The following SLC30A8 variants were observed in gnomAD, a reference collection of about 807,000 sequenced individuals.
The protein encoded by SLC30A8 is proton-coupled zinc antiporter SLC30A8.
A neutral mutation model predicts 36.9 loss-of-function variants in SLC30A8; 27 were observed. The observed-to-expected ratio is 0.73, with a 90% CI of 0.54 to 1.01. SLC30A8 has a LOEUF of 1.01. Ranked by LOEUF, SLC30A8 falls within the 50% of genes least tolerant of loss-of-function variation. The probability of loss-of-function intolerance (pLI) is 0.00; values close to 1 mark genes in which losing one functional copy is unlikely to be tolerated. For missense variants in SLC30A8, 439 were observed against 452.0 expected (o/e 0.97, Z 0.26); for synonymous variants, 164 against 172.4 (o/e 0.95, Z 0.38).
intron 1 of SLC30A8, among the ~76,000 whole-genome samples, chr8:117,021,968 T>A (rs1432832137): frequency 6.6e-6 from 1 of 150,774 alleles, no homozygotes; most frequent in East Asian, 2.0e-4. Context: ...GAGAAAAAAA[T>A]GAATCTTGAT....
At chr8:117,061,981 A>G (rs911092778) in intron 2 of SLC30A8, among the ~76,000 whole-genome samples, 1 of 152,196 alleles carries the variant, frequency 6.6e-6, no homozygotes, top group African/African-American at 2.4e-5. Flanking sequence ...GAACAGGACC[A>G]ACTTCTTTTC....
Position 116,964,223 on chromosome 8 carries a change from G to A in SLC30A8, c.-266+13104G>A, listed in dbSNP as rs568506774. Among the ~76,000 whole-genome samples, 25 of 152,288 alleles carry A rather than the reference G, an allele frequency of 1.6e-4. No homozygotes were observed. The South Asian group carries it at 2.5e-3, about 15-fold the overall frequency. The stretch of plus-strand genomic sequence containing the variant: ...AAGATATTGGAGGCATTAAAAAAGA[G>A]TACTATCCTTTTGAAGTATGAGCAC... On this transcript the variant is annotated intron_variant, in intron 1 of 10. Coordinates refer to the SLC30A8 transcript ENST00000427715.
chr8:117,052,519 T>G (rs891187944), intron 2 of SLC30A8, among the ~76,000 whole-genome samples: 2 of 152,262 alleles, frequency 1.3e-5, no homozygotes, highest in African/African-American at 4.8e-5. Flanking sequence ...TTTCTAAGAA[T>G]GCAGCCACTG....
intron 2 of SLC30A8, among the ~76,000 whole-genome samples, chr8:117,098,910 G>C (rs1411853180): frequency 6.6e-6 from 1 of 152,132 alleles, no homozygotes; most frequent in Non-Finnish European, 1.5e-5. Flanking sequence ...ATAGTTTTCT[G>C]TTACAATGCT....
At chr8:117,161,635 C>T in intron 4 of SLC30A8, 103 bp from the exon 5 acceptor site, 2 of 1,048,606 alleles carry the variant, frequency 1.9e-6, no homozygotes, top group Non-Finnish European at 2.8e-6. Context: ...TTTCAACTAT[C>T]CATCATTTTG....
chr8:117,143,782 T>C (rs1821774912), intron 1 of SLC30A8, among the ~76,000 whole-genome samples: 1 of 151,962 alleles, frequency 6.6e-6, no homozygotes, highest in African/African-American at 2.4e-5. Flanking sequence ...CAAGGAGCAG[T>C]CTCAGCTCAG....
intron 1 of SLC30A8, among the ~76,000 whole-genome samples, chr8:116,973,979 T>C (rs1445298554): frequency 1.3e-5 from 2 of 152,212 alleles, no homozygotes; most frequent in Non-Finnish European, 2.9e-5. Flanking sequence ...GAAAACTGGC[T>C]AGCCATATGT....
chr8:117,127,643 C>G (rs1172479495), intron 2 of SLC30A8, among the ~76,000 whole-genome samples: 2 of 151,956 alleles, frequency 1.3e-5, no homozygotes, highest in Non-Finnish European at 2.9e-5. Context: ...ATCTGTAATT[C>G]CAGGCTCTGG....
At chr8:116,950,615 C>T (rs1232366446), upstream of SLC30A8, 1 of 152,150 alleles carries the variant, frequency 6.6e-6, no homozygotes, top group Non-Finnish European at 1.5e-5. Context: ...GGAGGTTTAG[C>T]AAACTGTCAG....
chr8:117,107,323 A>G (rs764973230), intron 2 of SLC30A8, among the ~76,000 whole-genome samples: 2 of 152,190 alleles, frequency 1.3e-5, no homozygotes, highest in African/African-American at 2.4e-5. Flanking sequence ...CTCTTTTTAG[A>G]TAAAGTAAAA....
intron 2 of SLC30A8, among the ~76,000 whole-genome samples, chr8:117,096,492 G>A (rs1819368861): frequency 6.6e-6 from 1 of 152,022 alleles, no homozygotes; most frequent in Non-Finnish European, 1.5e-5. Context: ...ACTTGAATCT[G>A]CCTCTGACTT....
chr8:117,083,556 C>CA (rs1427050475), intron 2 of SLC30A8, among the ~76,000 whole-genome samples: 1 of 152,172 alleles, frequency 6.6e-6, no homozygotes, highest in East Asian at 1.9e-4. Flanking sequence ...TCTGCTCAAC[C>CA]ATTCTTGCAC....
chr8:116,993,739 A>G (rs1399346631), intron 1 of SLC30A8, among the ~76,000 whole-genome samples: 1 of 152,054 alleles, frequency 6.6e-6, no homozygotes, highest in Non-Finnish European at 1.5e-5. Context: ...TTAAAAACTT[A>G]CTGGATATGA....
intron 1 of SLC30A8, among the ~76,000 whole-genome samples, chr8:116,998,043 G>T (rs1483421286): frequency 6.6e-6 from 1 of 151,780 alleles, no homozygotes; most frequent in Non-Finnish European, 1.5e-5. Context: ...TCTAAGCAGA[G>T]ATTGTAAGGT....
intron 1 of SLC30A8, among the ~76,000 whole-genome samples, chr8:117,021,102 A>G (rs570385143): frequency 1.4e-4 from 21 of 152,280 alleles, no homozygotes; most frequent in Admixed American, 2.0e-4. Context: ...TGATTGTCAT[A>G]TTTTTAAACA....
At chr8:116,983,165 G>A (rs889591728) in intron 1 of SLC30A8, among the ~76,000 whole-genome samples, 8 of 152,022 alleles carry the variant, frequency 5.3e-5, no homozygotes. Flanking sequence ...ATAAAACCAT[G>A]TATTGAGATT....
At chr8:117,036,535 TG>T (rs1409262160) in intron 1 of SLC30A8, among the ~76,000 whole-genome samples, 1 of 152,110 alleles carries the variant, frequency 6.6e-6, no homozygotes, top group African/African-American at 2.4e-5. Flanking sequence ...TCGACATGGC[TG>T]GGGAGGTCTT....
chr8:116,988,747 A>G (rs1484084159), intron 1 of SLC30A8, among the ~76,000 whole-genome samples: 1 of 152,236 alleles, frequency 6.6e-6, no homozygotes, highest in Non-Finnish European at 1.5e-5. Context: ...CCTCTGGCAT[A>G]TACTTAAAAT....
intron 2 of SLC30A8, among the ~76,000 whole-genome samples, chr8:117,041,671 A>G (rs903284022): frequency 2.0e-5 from 3 of 152,134 alleles, no homozygotes; most frequent in Admixed American, 1.3e-4. Context: ...CCTGGGCAAC[A>G]AGAGGTAAAC....
Sources: allele counts gnomAD v4.1 joint callset (sites outside exome capture counted in the v4.1 genomes callset), GRCh38; gene constraint gnomAD v4.1.1; transcripts MANE v1.5; gene names NCBI Gene and HGNC (gene_info 2026-07-23, HGNC 2026-07-21).